STAG1: variants seen among roughly 807,000 people sequenced by gnomAD.
The protein encoded by STAG1 is STAG1 cohesin complex component.
Under a neutral mutation model 170.9 loss-of-function variants are expected in STAG1, and 26 were observed. That is an observed-to-expected ratio of 0.15 (90% CI 0.11 to 0.21). The LOEUF (loss-of-function observed/expected upper bound fraction) is 0.21, where lower values mean the gene tolerates loss of function less well. STAG1 is among the 10% of genes least tolerant of loss of function. The pLI, the probability that STAG1 is intolerant of heterozygous loss-of-function variation, is 1.00. For missense variants in STAG1, 964 were observed against 1,509.5 expected (o/e 0.64, Z 5.99); for synonymous variants, 514 against 497.7 (o/e 1.03, Z -0.44).
At chr3:136,580,538 T>G (rs1186841619) in intron 4 of STAG1, among the ~76,000 whole-genome samples, 3 of 143,896 alleles carry the variant, frequency 2.1e-5, no homozygotes, top group African/African-American at 7.7e-5. Context: ...TTTTTTTTTT[T>G]TTTTTTGAGA....
rs554119329 is a variant in STAG1, at chr3:136,462,260, C to T, written c.1313+2621G>A. Among the ~76,000 whole-genome samples, 2 of 152,176 alleles carry T rather than the reference C, an allele frequency of 1.3e-5. 1 individual carries two copies. The highest frequency in any genetic ancestry group is 1.3e-4 in the Admixed American group (2 of 15,276). On this transcript the variant is annotated intron_variant, in intron 13 of 33. Transcript: ENST00000383202. ...CTGCACTGCCATGTTTACTACAGCA[C>T]TATTCATAGTAGTGATACATGGAAT...
rs566220714 is a variant in STAG1, at chr3:136,565,592, G to A, written c.394+3173C>T. ...ACATTTCTGGTGGGAATATAAGATGGTGCAGCCACTGTGGAAAACAGTTTG... is the reference window on the plus strand; with the variant it reads ...ACATTTCTGGTGGGAATATAAGATGATGCAGCCACTGTGGAAAACAGTTTG... On this transcript the variant is annotated intron_variant, in intron 5 of 33. Transcript: ENST00000383202. 4.6e-5 allele frequency among the ~76,000 whole-genome samples: 7 copies of A among 152,290 alleles called. No individual in the cohort carries two copies. The East Asian group carries it at 1.3e-3, about 29-fold the overall frequency.
intron 9 of STAG1, among the ~76,000 whole-genome samples, chr3:136,478,122 G>A (rs916344515): frequency 2.0e-5 from 3 of 152,122 alleles, no homozygotes; most frequent in Admixed American, 6.6e-5. Flanking sequence ...TAGCACACAT[G>A]TAATGAATTA....
At chr3:136,700,415 CTTCTT>C (rs895315685) in intron 1 of STAG1, among the ~76,000 whole-genome samples, 15 of 149,308 alleles carry the variant, frequency 1.0e-4, no homozygotes, top group Non-Finnish European at 5.9e-5. Context: ...TAAATTACTT[CTTCTT>C]TTTTTTTTTT....
At chr3:136,681,200 A>C (rs1373092080) in intron 1 of STAG1, among the ~76,000 whole-genome samples, 1 of 152,194 alleles carries the variant, frequency 6.6e-6, no homozygotes, top group Non-Finnish European at 1.5e-5. Flanking sequence ...TATGTATATG[A>C]TATGCAGGGC....
intron 22 of STAG1, among the ~76,000 whole-genome samples, chr3:136,388,431 C>G (rs899554115): frequency 6.6e-6 from 1 of 152,062 alleles, no homozygotes; most frequent in African/African-American, 2.4e-5. Context: ...TGCAGTGGTG[C>G]GATCTTGGCT....
intron 1 of STAG1, among the ~76,000 whole-genome samples, chr3:136,712,015 CTTT>C (rs923457852): frequency 6.6e-6 from 1 of 152,010 alleles, no homozygotes; most frequent in East Asian, 1.9e-4. Context: ...ATTCAGATAA[CTTT>C]TTTTGTTTGT....
intron 6 of STAG1, among the ~76,000 whole-genome samples, chr3:136,527,034 T>G (rs753543537): frequency 5.9e-5 from 9 of 152,224 alleles, no homozygotes; most frequent in Non-Finnish European, 8.8e-5. Flanking sequence ...CATTTTTTCC[T>G]TCATTTCAAC....
intron 4 of STAG1, among the ~76,000 whole-genome samples, chr3:136,571,815 A>G (rs1477538104): frequency 1.3e-5 from 2 of 152,132 alleles, no homozygotes; most frequent in African/African-American, 4.8e-5. Flanking sequence ...CAGGAGTTTG[A>G]GGCTACAGTG....
chr3:136,524,416 G>A (rs925098294), intron 6 of STAG1, among the ~76,000 whole-genome samples: 1 of 152,146 alleles, frequency 6.6e-6, no homozygotes, highest in East Asian at 1.9e-4. Flanking sequence ...TGGTGTATAA[G>A]AATGCTTGTG....
Position 136,642,559 on chromosome 3 carries a change from C to A in STAG1, c.-83-11578G>T, listed in dbSNP as rs1940844422. Among the ~76,000 whole-genome samples the A allele has an allele frequency of 2.0e-5, 3 of 152,148 alleles. No individual in the cohort carries two copies. In the South Asian group the frequency reaches 6.2e-4, roughly 32 times the overall value. On this transcript the variant is annotated intron_variant, in intron 1 of 33. Transcript: ENST00000383202. The stretch of plus-strand genomic sequence containing the variant: ...GGGATCACAAGCGTGAGCCACTGCA[C>A]CCGGCCCACAATTTCAAGCAACCCT...
chr3:136,380,705 T>C (rs1034814945), intron 22 of STAG1, among the ~76,000 whole-genome samples: 2 of 151,800 alleles, frequency 1.3e-5, no homozygotes, highest in African/African-American at 4.8e-5. Flanking sequence ...GGAATTGTGG[T>C]ATTAAGTCAT....
At chr3:136,476,041 G>C (rs966829310) in intron 10 of STAG1, among the ~76,000 whole-genome samples, 4 of 152,184 alleles carry the variant, frequency 2.6e-5, no homozygotes, top group African/African-American at 9.7e-5. Flanking sequence ...AAGGATATCT[G>C]GGTAGATGCA....
intron 12 of STAG1, among the ~76,000 whole-genome samples, chr3:136,470,447 C>T (rs1453462174): frequency 1.3e-5 from 2 of 152,190 alleles, no homozygotes; most frequent in Admixed American, 1.3e-4. Context: ...TACCATCTCA[C>T]ACCAGTTACA....
rs750039905 is a variant in STAG1, at chr3:136,521,384, G to A, written c.505C>T (p.Pro169Ser). 2.5e-6 allele frequency: 4 copies of A among 1,613,388 alleles called. No homozygotes were observed. The highest frequency in any genetic ancestry group is 2.7e-5 in the African/African-American group (2 of 74,850). The change falls in exon 7 of 34, where the codon CCT becomes TCT. Residue 169 changes from proline to serine, a missense_variant. This residue lies in a region of STAG1 where 40 missense variants were observed against 44.1 expected (regional missense o/e 0.91). Coordinates refer to ENST00000383202, the MANE Select transcript of STAG1 (RefSeq NM_005862.3). ...TTTGAACGAAATTTTTTCCACTGAGGTCCAGGCATGGTAAGAGGATAATCA... is the reference window on the plus strand; with the variant it reads ...TTTGAACGAAATTTTTTCCACTGAGATCCAGGCATGGTAAGAGGATAATCA... ...SGDYPLTMPG[P>S]QWKKFRSNFC...
At chr3:136,661,680 A>T (rs1941584962) in intron 1 of STAG1, among the ~76,000 whole-genome samples, 1 of 152,160 alleles carries the variant, frequency 6.6e-6, no homozygotes, top group African/African-American at 2.4e-5. Flanking sequence ...CATAAGGGAG[A>T]CTCAACAAAC....
chr3:136,649,614 A>C (rs1294291829), intron 1 of STAG1, among the ~76,000 whole-genome samples: 3 of 151,212 alleles, frequency 2.0e-5, no homozygotes, highest in Non-Finnish European at 4.4e-5. Context: ...GTATATTTAA[A>C]AAACTAATAT....
chr3:136,745,318 T>A (rs1469218707), intron 1 of STAG1, among the ~76,000 whole-genome samples: 1 of 151,738 alleles, frequency 6.6e-6, no homozygotes. Flanking sequence ...TAAAAATAAA[T>A]AAAAAACAAA....
At chr3:136,440,727 C>T (rs1354642358) in intron 15 of STAG1, among the ~76,000 whole-genome samples, 1 of 151,920 alleles carries the variant, frequency 6.6e-6, no homozygotes, top group East Asian at 1.9e-4. Flanking sequence ...TGGTGGCTCA[C>T]GCCTGTAATC....
Sources: gnomAD v4.1 joint callset for allele counts (sites outside exome capture counted in the v4.1 genomes callset) on GRCh38, gnomAD v4.1.1 for gene constraint, gnomAD v4.1.1 regional missense constraint, MANE v1.5 for transcripts, NCBI Gene and HGNC (gene_info 2026-07-23, HGNC 2026-07-21) for gene names.